TDRD7: variants seen among roughly 807,000 people sequenced by gnomAD.
The protein encoded by TDRD7 is tudor domain containing 7.
A neutral mutation model predicts 109.8 loss-of-function variants in TDRD7; 47 were observed. The ratio of observed to expected loss-of-function variants is 0.43; its 90% CI spans 0.34 to 0.55. TDRD7 has a LOEUF of 0.55. Ranked by LOEUF, TDRD7 falls within the 20% of genes least tolerant of loss-of-function variation. The pLI is 0.03. For missense variants in TDRD7, 1,164 were observed against 1,319.2 expected, an observed-to-expected ratio of 0.88 and a Z score of 1.82; for synonymous variants, 424 against 457.3, an observed-to-expected ratio of 0.93 and a Z score of 0.93.
intron 5 of TDRD7, among the ~76,000 whole-genome samples, chr9:97,441,072 A>C (rs977439966): frequency 6.6e-6 from 1 of 152,306 alleles, no homozygotes; most frequent in East Asian, 1.9e-4. Flanking sequence ...TTATAAACTG[A>C]GGCTAGGATG....
At chr9:97,475,242 T>C (rs746504671) in intron 11 of TDRD7, 141 bp from the exon 12 acceptor site, 36 of 719,154 alleles carry the variant, frequency 5.0e-5, no homozygotes, top group Non-Finnish European at 6.6e-5. Context: ...TATAACCCTG[T>C]GTGTTTGCTG....
chr9:97,434,806 T>C (rs1360222667), intron 4 of TDRD7, among the ~76,000 whole-genome samples: 1 of 152,130 alleles, frequency 6.6e-6, no homozygotes, highest in Non-Finnish European at 1.5e-5. Flanking sequence ...TTCAACAAAC[T>C]GTACACAGAA....
intron 1 of TDRD7, among the ~76,000 whole-genome samples, chr9:97,425,503 A>G (rs1827972453): frequency 6.6e-6 from 1 of 152,178 alleles, no homozygotes; most frequent in Non-Finnish European, 1.5e-5. Context: ...GTACTAGGCT[A>G]TACCATCTAG....
intron 13 of TDRD7, chr9:97,480,391 A>G (rs937916003): frequency 1.9e-5 from 4 of 214,592 alleles, no homozygotes; most frequent in Admixed American, 1.0e-4. Flanking sequence ...TGCTGAATGA[A>G]GCAACAGGAG....
At chr9:97,457,600 G>A (rs1401635009) in intron 6 of TDRD7, among the ~76,000 whole-genome samples, 1 of 152,128 alleles carries the variant, frequency 6.6e-6, no homozygotes, top group Middle Eastern at 3.4e-3. Flanking sequence ...GGCTGGTCTC[G>A]AACTCCTGAC....
chr9:97,494,708 ATATATTTT>A (rs1564219912), intron 16 of TDRD7, among the ~76,000 whole-genome samples: 2 of 98,220 alleles, frequency 2.0e-5, no homozygotes, highest in African/African-American at 6.7e-5. Context: ...ATATATATAT[ATATATTTT>A]TTTTTTTTTC....
chr9:97,475,172 G>A (rs985339687), intron 11 of TDRD7, among the ~76,000 whole-genome samples: 1 of 152,176 alleles, frequency 6.6e-6, no homozygotes, highest in African/African-American at 2.4e-5. Context: ...TGAGCCATGT[G>A]CATGTAGGGA....
chr9:97,468,705 C>T (rs1413345800), intron 8 of TDRD7, among the ~76,000 whole-genome samples: 2 of 152,198 alleles, frequency 1.3e-5, no homozygotes, highest in Admixed American at 6.5e-5. Flanking sequence ...AGGCTGGTGC[C>T]AGTTTGGCCT....
chr9:97,480,295 A>C (rs1829094509), intron 13 of TDRD7: 1 of 166,542 alleles, frequency 6.0e-6, no homozygotes, highest in Admixed American at 5.6e-5. Flanking sequence ...TGTGGATTTC[A>C]GTTTTTCTCA....
chr9:97,480,807 T>C, intron 13 of TDRD7, 21 bp from the exon 14 acceptor site: 2 of 1,592,690 alleles, frequency 1.3e-6, no homozygotes, highest in Non-Finnish European at 8.6e-7. Flanking sequence ...TGTTCACTTT[T>C]CCATCATATT....
At chr9:97,415,971 C>CG (rs1827804436) in intron 1 of TDRD7, among the ~76,000 whole-genome samples, 1 of 152,180 alleles carries the variant, frequency 6.6e-6, no homozygotes, top group Admixed American at 6.5e-5. Flanking sequence ...AAAATAATGA[C>CG]GATTTTTTTT....
chr9:97,453,850 CTA>C (rs1052990413), intron 6 of TDRD7, among the ~76,000 whole-genome samples: 6 of 152,168 alleles, frequency 3.9e-5, no homozygotes, highest in Non-Finnish European at 5.9e-5. Flanking sequence ...GAAGAGCTGA[CTA>C]TTCTAAATAT....
chr9:97,439,843 A>G (rs1587867204), intron 5 of TDRD7, among the ~76,000 whole-genome samples: 1 of 152,214 alleles, frequency 6.6e-6, no homozygotes, highest in East Asian at 1.9e-4. Context: ...AAACAATAGG[A>G]GACATAGTAT....
intron 6 of TDRD7, among the ~76,000 whole-genome samples, chr9:97,444,320 C>A (rs4567164): frequency 6.6e-6 from 1 of 152,202 alleles, no homozygotes. Context: ...TTTGCTTAGT[C>A]AAGTGGGATG....
intron 14 of TDRD7, 26 bp downstream of exon 14, chr9:97,480,964 C>A: frequency 6.9e-6 from 11 of 1,593,866 alleles, no homozygotes; most frequent in Non-Finnish European, 8.6e-6. Flanking sequence ...GGGCCTGATA[C>A]ATTTAGAAAG....
At chr9:97,417,680 G>A (rs1322341884) in intron 1 of TDRD7, among the ~76,000 whole-genome samples, 1 of 152,202 alleles carries the variant, frequency 6.6e-6, no homozygotes, top group Non-Finnish European at 1.5e-5. Flanking sequence ...TAAACTTGCG[G>A]AACACAAGTA....
At chr9:97,478,893 A>G (rs994656088) in intron 13 of TDRD7, among the ~76,000 whole-genome samples, 4 of 152,072 alleles carry the variant, frequency 2.6e-5, no homozygotes, top group Non-Finnish European at 5.9e-5. Flanking sequence ...TATTGTGTAT[A>G]AATGTTTATT....
Position 97,483,131 on chromosome 9 carries a change from G to A in TDRD7, c.2695G>A (p.Glu899Lys). 1 of 1,614,188 alleles carries A rather than the reference G, an allele frequency of 6.2e-7. No individual in the cohort carries two copies. The highest frequency in any genetic ancestry group is 8.5e-7 in the Non-Finnish European group (1 of 1,180,032). ...MVDHTSAFST[E>K]ELPPPVHLSK... The stretch of plus-strand genomic sequence containing the variant: ...GGACCATACGAGCGCTTTCTCCACA[G>A]AGGAACTGCCACCTCCTGTCCACTT... The change falls in exon 15 of 17, where the codon GAG becomes AAG. Residue 899 changes from glutamate (E) to lysine (K), a missense_variant. Physicochemically the swap from Glu to Lys is moderately conservative, Grantham distance 56. Around this residue, in one of 5 missense-constraint regions of TDRD7, gnomAD observed 233 missense variants for 218.0 expected, o/e 1.07. Transcript: ENST00000355295.
At chr9:97,487,990 C>A (rs1431806993) in intron 16 of TDRD7, among the ~76,000 whole-genome samples, 1 of 152,130 alleles carries the variant, frequency 6.6e-6, no homozygotes, top group African/African-American at 2.4e-5. Flanking sequence ...TACAAGGGAG[C>A]AATTTCACCA....
Sources: allele counts gnomAD v4.1 joint callset (sites outside exome capture counted in the v4.1 genomes callset), GRCh38; gene constraint gnomAD v4.1.1; regional missense constraint gnomAD v4.1.1; transcripts MANE v1.5; gene names NCBI Gene and HGNC (gene_info 2026-07-23, HGNC 2026-07-21).